The following MTMR10 variants were observed in gnomAD, a reference collection of about 807,000 sequenced individuals.
MTMR10 encodes myotubularin related protein 10.
A neutral mutation model predicts 88.1 loss-of-function variants in MTMR10; 56 were observed. The observed-to-expected ratio is 0.64, with a 90% CI of 0.51 to 0.79. The LOEUF is 0.79. Ranked by LOEUF, MTMR10 falls within the 30% of genes least tolerant of loss-of-function variation. MTMR10 has a pLI of 0.00. For synonymous variants in MTMR10, 380 were observed against 340.9 expected, an observed-to-expected ratio of 1.11 and a Z score of -1.26; for missense variants, 883 against 924.7, an observed-to-expected ratio of 0.95 and a Z score of 0.58.
chr15:30,956,876 G>A (rs147863128), intron 9 of MTMR10, among the ~76,000 whole-genome samples: 276 of 152,324 alleles, frequency 1.8e-3, no homozygotes, highest in African/African-American at 6.5e-3. Flanking sequence ...GTATGCTAAT[G>A]AAAACAAGGC....
intron 11 of MTMR10, among the ~76,000 whole-genome samples, chr15:30,953,069 C>A (rs2063273008): frequency 6.6e-6 from 1 of 152,156 alleles, no homozygotes; most frequent in Non-Finnish European, 1.5e-5. Context: ...GGATTACAGG[C>A]ATGAGCCACC....
chr15:30,974,889 G>C (rs1031370345), intron 4 of MTMR10, 42 bp downstream of exon 4: 7 of 1,262,290 alleles, frequency 5.5e-6, no homozygotes, highest in Non-Finnish European at 7.5e-6. Context: ...AATACTTCCA[G>C]AGTGGAATTG....
the MTMR10 span, among the ~76,000 whole-genome samples, chr15:30,929,585 TATATA>T: frequency 4.0e-5 from 5 of 125,962 alleles, 1 homozygote; most frequent in African/African-American, 1.2e-4. Flanking sequence ...TTTATTATAT[TATATA>T]TTATATATTA....
chr15:30,925,638 C>T, the MTMR10 span: 5 of 901,714 alleles, frequency 5.5e-6, no homozygotes, highest in Admixed American at 4.3e-5. Context: ...GTCACATCCC[C>T]GCAGTTCTGC....
At position 30,974,311 on chromosome 15, in the gene MTMR10, T is replaced by TC. The variant is rs771769104; in HGVS notation, c.474+2_474+3insG. The TC allele has an allele frequency of 1.0e-5, 16 of 1,594,920 alleles. No individual in the cohort carries two copies. The African/African-American group carries it at 1.7e-4, about 17-fold the overall frequency. ...AGAACTTGATAAACCTTAACAGTAT[T>TC]ACCTTTTTAGCACTTTCGGGACCTG... On this transcript the variant is annotated splice_region_variant and intron_variant, in intron 5 of 15. Transcript: ENST00000435680.
the MTMR10 span, chr15:30,926,660 A>G: frequency 3.0e-4 from 295 of 985,364 alleles, no homozygotes; most frequent in African/African-American, 4.7e-3. Context: ...AGACAGAGAG[A>G]TACAGTAGGC....
At chr15:30,952,181 AC>A in intron 11 of MTMR10, 143 bp from the exon 12 acceptor site, 1 of 742,940 alleles carries the variant, frequency 1.3e-6, no homozygotes, top group Non-Finnish European at 2.2e-6. Context: ...ACCCATGATA[AC>A]CCACTGTAAG....
rs1229942524 is a variant in MTMR10, at chr15:30,939,649, CAA to C, written c.*1819_*1820del. ...GTAAATTAACAACAATAAAATACTA[CAA>C]GAGTTAAAATAAACGTGAAGGAAGA... On this transcript the variant is annotated 3_prime_UTR_variant, in exon 16 of 16. Coordinates refer to ENST00000435680, the MANE Select transcript of MTMR10 (RefSeq NM_017762.3). 1 of 521,680 alleles carries C rather than the reference CAA, an allele frequency of 1.9e-6. No homozygotes were observed. Among genetic ancestry groups the C allele is most frequent in the African/African-American group, 3.1e-5 (1 of 32,730 alleles). 32.3% of individuals were successfully genotyped at this position (521,680 alleles called of 1,614,324 possible). A position where few individuals can be genotyped will look rare whatever the true frequency, so the allele number is the denominator to read the frequency against.
At chr15:30,929,819 T>TCATATATAATATAATATATAAAATA in the MTMR10 span, among the ~76,000 whole-genome samples, 2 of 44,382 alleles carry the variant, frequency 4.5e-5, no homozygotes, top group Non-Finnish European at 6.6e-5. Flanking sequence ...ATATAATATA[T>TCATATATAATATAATATATAAAATA]TATATCATAT....
the MTMR10 span, among the ~76,000 whole-genome samples, chr15:30,924,886 C>T: frequency 1.3e-5 from 2 of 152,298 alleles, no homozygotes; most frequent in South Asian, 2.1e-4. Flanking sequence ...ATCCACTGTC[C>T]ACCTGGATTA....
downstream of MTMR10, among the ~76,000 whole-genome samples, chr15:30,936,013 TTAAG>T (rs2062842369): frequency 6.6e-6 from 1 of 152,200 alleles, no homozygotes; most frequent in Non-Finnish European, 1.5e-5. Flanking sequence ...CATTTTTTCT[TTAAG>T]TATTTTTTTT....
At chr15:30,957,378 T>C (rs1209571464) in intron 9 of MTMR10, among the ~76,000 whole-genome samples, 2 of 152,152 alleles carry the variant, frequency 1.3e-5, no homozygotes, top group African/African-American at 4.8e-5. Flanking sequence ...GATCAAACTT[T>C]AGAGGGGAGA....
chr15:30,988,339 G>A (rs1484171260), intron 2 of MTMR10, among the ~76,000 whole-genome samples: 3 of 152,268 alleles, frequency 2.0e-5, no homozygotes, highest in Non-Finnish European at 2.9e-5. Context: ...GATAAGTCAG[G>A]TACAAACAGA....
Position 30,940,006 on chromosome 15 carries a change from G to C in MTMR10, c.*1464C>G. The C allele has an allele frequency of 4.1e-6, 4 of 976,144 alleles. No homozygotes were observed. The highest frequency in any genetic ancestry group is 3.7e-6 in the Non-Finnish European group (3 of 821,592). The allele number at this position is 976,144 out of a possible 1,614,324, so 60.5% of individuals were successfully genotyped here. A position where few individuals can be genotyped will look rare whatever the true frequency, so the allele number is the denominator to read the frequency against. ...TTTTAAAAGGCAAATAATTCAAAAA[G>C]AAACAGCTATTCAGTACATATAAAG... On this transcript the variant is annotated 3_prime_UTR_variant, in exon 16 of 16. Coordinates refer to ENST00000435680, the MANE Select transcript of MTMR10 (RefSeq NM_017762.3).
At chr15:30,950,979 C>T (rs914727581) in intron 12 of MTMR10, among the ~76,000 whole-genome samples, 3 of 152,120 alleles carry the variant, frequency 2.0e-5, no homozygotes, top group African/African-American at 7.2e-5. Context: ...AAAAAAAAGT[C>T]TGTTCATGTT....
intron 5 of MTMR10, among the ~76,000 whole-genome samples, chr15:30,972,560 C>A (rs1221682966): frequency 6.6e-6 from 1 of 152,128 alleles, no homozygotes; most frequent in African/African-American, 2.4e-5. Flanking sequence ...ACCAGCAGCA[C>A]AACACATAGG....
At chr15:30,943,584 A>G in intron 14 of MTMR10, 3 of 985,376 alleles carry the variant, frequency 3.0e-6, no homozygotes, top group Non-Finnish European at 3.6e-6. Flanking sequence ...CCACAGACTC[A>G]GGGTAGGAAG....
chr15:30,990,738 G>A (rs1364268430), intron 2 of MTMR10, 39 bp downstream of exon 2: 1 of 1,549,872 alleles, frequency 6.5e-7, no homozygotes. Flanking sequence ...ACCAAAATAC[G>A]TTGCTAAAGT....
At chr15:30,955,561 C>T (rs575217232) in intron 9 of MTMR10, among the ~76,000 whole-genome samples, 82 of 152,316 alleles carry the variant, frequency 5.4e-4, no homozygotes, top group Middle Eastern at 6.8e-3. Context: ...TGAGCCACCG[C>T]GCCCGGGCTC....
Sources: allele counts gnomAD v4.1 joint callset (sites outside exome capture counted in the v4.1 genomes callset), GRCh38; gene constraint gnomAD v4.1.1; transcripts MANE v1.5; gene names NCBI Gene and HGNC (gene_info 2026-07-23, HGNC 2026-07-21).